Variants in MACROD1 observed in about 807,000 individuals in gnomAD.
MACROD1 encodes the protein mono-ADP ribosylhydrolase 1.
In MACROD1, 31 loss-of-function variants were observed where a neutral mutation model predicts 41.4. The observed-to-expected ratio is 0.75, with a 90% CI of 0.56 to 1.01. The LOEUF (loss-of-function observed/expected upper bound fraction) is 1.01. Ranked by LOEUF, MACROD1 falls within the 50% of genes least tolerant of loss-of-function variation. The pLI is 0.00. For synonymous variants in MACROD1, 252 were observed against 203.4 expected (o/e 1.24, Z -2.03); for missense variants, 473 against 460.0 (o/e 1.03, Z -0.26).
intron 3 of MACROD1, among the ~76,000 whole-genome samples, chr11:64,056,253 G>A (rs1381244832): frequency 1.3e-5 from 2 of 152,060 alleles, no homozygotes; most frequent in African/African-American, 4.8e-5. Flanking sequence ...CATGGGAGAG[G>A]CTGAGGGAGC....
chr11:64,161,558 T>C (rs1159701807), intron 1 of MACROD1, among the ~76,000 whole-genome samples: 1 of 152,190 alleles, frequency 6.6e-6, no homozygotes, highest in Non-Finnish European at 1.5e-5. Context: ...GTAGCAGTCT[T>C]CAAGGGCCAC....
intron 3 of MACROD1, among the ~76,000 whole-genome samples, chr11:64,058,390 G>A (rs1943831737): frequency 6.6e-6 from 1 of 152,044 alleles, no homozygotes; most frequent in Non-Finnish European, 1.5e-5. Flanking sequence ...GTCACCTGCA[G>A]GTGAGGAGGG....
intron 3 of MACROD1, among the ~76,000 whole-genome samples, chr11:64,059,284 AG>A (rs972352260): frequency 6.6e-6 from 1 of 152,084 alleles, no homozygotes; most frequent in Non-Finnish European, 1.5e-5. Flanking sequence ...CCCTGTGAAG[AG>A]GGTCTTGCGG....
Position 64,165,980 on chromosome 11 carries a change from G to T in MACROD1, c.15C>A (p.Ser5Arg). 1 of 1,286,276 alleles carries T rather than the reference G, an allele frequency of 7.8e-7. No homozygotes were observed. 79.7% of individuals were successfully genotyped at this position (1,286,276 alleles called of 1,614,324 possible). A position where few individuals can be genotyped will look rare whatever the true frequency, so the allele number is the denominator to read the frequency against. Reference protein sequence around the residue: MSLQSRLSGRLAQLR... With the variant: MSLQRRLSGRLAQLR... ...GCTGTGCCAGGCGGCCGGACAGTCG[G>T]CTCTGTAGAGACATGAGCGGGCGGC... Residue 5 changes from serine (S) to arginine (R), a missense_variant, in exon 1 of 11, where the codon AGC (serine) becomes AGA (arginine). Transcript: ENST00000255681.
intron 3 of MACROD1, among the ~76,000 whole-genome samples, chr11:64,057,632 T>G (rs1459473733): frequency 1.3e-5 from 2 of 152,162 alleles, no homozygotes; most frequent in Non-Finnish European, 2.9e-5. Flanking sequence ...CCTGGACCCC[T>G]TGAAGATCAA....
chr11:64,091,035 A>G (rs924962506), intron 3 of MACROD1, among the ~76,000 whole-genome samples: 1 of 149,796 alleles, frequency 6.7e-6, no homozygotes, highest in Non-Finnish European at 1.5e-5. Flanking sequence ...GGGAGGGGAG[A>G]AAGAAGACAG....
At chr11:64,029,362 G>A (rs894713327) in intron 3 of MACROD1, among the ~76,000 whole-genome samples, 3 of 152,272 alleles carry the variant, frequency 2.0e-5, no homozygotes, top group East Asian at 1.9e-4. Context: ...GCACAGTGAC[G>A]GGGTGGGGGG....
At position 64,146,682 on chromosome 11, in the gene MACROD1, A is replaced by G. The variant is rs1351994569; in HGVS notation, c.517+4557T>C. ...ACCTCACTCCCACCACATCCCATAC[A>G]AACACACATCACACCACACACACCC... is the stretch of plus-strand genomic sequence containing the variant. On this transcript the variant is annotated intron_variant, in intron 3 of 10. Coordinates refer to ENST00000255681, the MANE Select transcript of MACROD1 (RefSeq NM_014067.4). The surrounding 1 kb of genome is among the most constrained non-coding windows in gnomAD (Gnocchi z 4.7). 1.3e-5 allele frequency among the ~76,000 whole-genome samples: 2 copies of G among 151,928 alleles called. No individual in the cohort carries two copies. Among genetic ancestry groups the G allele is most frequent in the African/African-American group, 4.8e-5 (2 of 41,348 alleles).
chr11:64,119,591 C>T (rs372420122), intron 3 of MACROD1, among the ~76,000 whole-genome samples: 1 of 151,842 alleles, frequency 6.6e-6, no homozygotes, highest in African/African-American at 2.4e-5. Context: ...GAAAAAGACA[C>T]AAAAATTCTC....
chr11:64,025,708 G>GCA (rs1565199048), intron 3 of MACROD1, among the ~76,000 whole-genome samples: 3 of 117,436 alleles, frequency 2.6e-5, no homozygotes, highest in African/African-American at 8.3e-5. Flanking sequence ...GCTCTCATGG[G>GCA]CCCCCCCCGC....
intron 4 of MACROD1, chr11:64,001,725 C>A: frequency 1.4e-6 from 1 of 702,340 alleles, no homozygotes; most frequent in Non-Finnish European, 2.6e-6. Flanking sequence ...GGGAGAAAGG[C>A]AGCTGTAGCC....
rs1269046879 is a variant in MACROD1, at chr11:64,036,279, G to C, written c.518-20998C>G. On this transcript the variant is annotated intron_variant, in intron 3 of 10. Coordinates refer to ENST00000255681, the MANE Select transcript of MACROD1 (RefSeq NM_014067.4). The surrounding 1 kb of genome is among the most constrained non-coding windows in gnomAD (Gnocchi z 5.6). ...GAAGCGCCACGGGGTCAGGCAGCCT[G>C]GCTTTGCCCCAGAGCGGCGGGAGAT... is the stretch of plus-strand genomic sequence containing the variant. 6.6e-6 allele frequency: 1 copy of C among 152,288 alleles called. No homozygotes were observed. Among genetic ancestry groups the C allele is most frequent in the African/African-American group, 2.4e-5 (1 of 41,448 alleles). The allele number at this position is 152,288 out of a possible 1,614,324, so 9.4% of individuals were successfully genotyped here.
chr11:64,130,342 G>C (rs1052145981), intron 3 of MACROD1, among the ~76,000 whole-genome samples: 22 of 152,206 alleles, frequency 1.4e-4, no homozygotes, highest in African/African-American at 5.1e-4. Context: ...GAGAGAGAGA[G>C]TGGGTGATAC....
intron 4 of MACROD1, among the ~76,000 whole-genome samples, chr11:64,009,981 G>C (rs1416545228): frequency 6.6e-6 from 1 of 152,164 alleles, no homozygotes; most frequent in African/African-American, 2.4e-5. Flanking sequence ...TGGGATGTTG[G>C]TTGGGTTGTT....
At chr11:64,130,355 A>G (rs756997943) in intron 3 of MACROD1, among the ~76,000 whole-genome samples, 139 of 151,916 alleles carry the variant, frequency 9.1e-4, no homozygotes, top group Admixed American at 4.1e-3. Flanking sequence ...GGTGATACCT[A>G]CCCCTCCATG....
At chr11:64,032,025 C>T (rs763352297) in intron 3 of MACROD1, among the ~76,000 whole-genome samples, 1 of 152,194 alleles carries the variant, frequency 6.6e-6, no homozygotes, top group Non-Finnish European at 1.5e-5. Context: ...TTGGTGCCAA[C>T]CCCTGACCAC....
intron 3 of MACROD1, among the ~76,000 whole-genome samples, chr11:64,017,037 T>C (rs888751842): frequency 6.6e-6 from 1 of 152,210 alleles, no homozygotes; most frequent in Non-Finnish European, 1.5e-5. Flanking sequence ...TGGCACCATC[T>C]CGGCTCGCTG....
chr11:64,066,912 G>A (rs556127744), intron 3 of MACROD1, among the ~76,000 whole-genome samples: 24 of 152,326 alleles, frequency 1.6e-4, no homozygotes, highest in Admixed American at 8.5e-4. Context: ...CTATAGCTCC[G>A]GAGCCCACGC....
At chr11:64,058,389 A>G (rs1352386204) in intron 3 of MACROD1, among the ~76,000 whole-genome samples, 4 of 152,018 alleles carry the variant, frequency 2.6e-5, no homozygotes, top group Admixed American at 2.6e-4. Flanking sequence ...AGTCACCTGC[A>G]GGTGAGGAGG....
Sources: gnomAD v4.1 joint callset for allele counts (sites outside exome capture counted in the v4.1 genomes callset) on GRCh38, gnomAD v4.1.1 for gene constraint, Gnocchi (gnomAD v3.1) non-coding constraint, MANE v1.5 for transcripts, NCBI Gene and HGNC (gene_info 2026-07-23, HGNC 2026-07-21) for gene names.